GIGYF2: variants seen among roughly 807,000 people sequenced by gnomAD.
The protein encoded by GIGYF2 is GRB10-interacting GYF protein 2.
In GIGYF2, 25 loss-of-function variants were observed where a neutral mutation model predicts 208.1. That is an observed-to-expected ratio of 0.12 (90% CI 0.09 to 0.17). The LOEUF is 0.17. Among genes scored for constraint, GIGYF2 ranks in the 10% least tolerant of loss-of-function variants. The probability of loss-of-function intolerance (pLI) is 1.00; values close to 1 mark genes in which losing one functional copy is unlikely to be tolerated. For missense variants in GIGYF2, 1,302 were observed against 1,579.4 expected (o/e 0.82, Z 2.98); for synonymous variants, 534 against 543.8 (o/e 0.98, Z 0.25).
intron 14 of GIGYF2, among the ~76,000 whole-genome samples, chr2:232,804,398 T>C (rs1422917427): frequency 1.3e-5 from 2 of 150,956 alleles, no homozygotes; most frequent in Non-Finnish European, 1.5e-5. Context: ...TTTTTTTTTT[T>C]CAGTGATAGT....
intron 27 of GIGYF2, among the ~76,000 whole-genome samples, chr2:232,848,710 A>G (rs1392693412): frequency 6.6e-6 from 1 of 152,162 alleles, no homozygotes; most frequent in Non-Finnish European, 1.5e-5. Flanking sequence ...TAGACCACAA[A>G]AAGGGCACTT....
In GIGYF2 at chr2:232,765,966, C is replaced by T. The variant is rs77237820; in HGVS notation, c.532+4530C>T. The T allele has an allele frequency of 0.036, 16,745 of 466,168 alleles. 392 individuals are homozygous for T. Among genetic ancestry groups the T allele is most frequent in the Non-Finnish European group, 0.048 (10,921 of 225,206 alleles). The allele number at this position is 466,168 out of a possible 1,614,324, so 28.9% of individuals were successfully genotyped here. On this transcript the variant is annotated intron_variant, in intron 8 of 28. Coordinates refer to ENST00000373563, the MANE Select transcript of GIGYF2 (RefSeq NM_001103146.3). The stretch of plus-strand genomic sequence containing the variant: ...GTGTGCAAGACTTCATGACCAAGCT[C>T]CCAGATGATCCAGGTTAGTGAGCTG...
At position 232,796,326 on chromosome 2, in the gene GIGYF2, A is replaced by G. The variant is rs771936437; in HGVS notation, c.1639+105A>G. On this transcript the variant is annotated intron_variant, in intron 14 of 28. Transcript: ENST00000373563. ...TAAATTATAGTAGAAAAAGAAGTCAACAAGCACACACGCGCGCACACACGC... is the reference window on the plus strand; with the variant it reads ...TAAATTATAGTAGAAAAAGAAGTCAGCAAGCACACACGCGCGCACACACGC... The G allele has an allele frequency of 6.0e-4, 482 of 797,876 alleles. 2 individuals carry two copies. The highest frequency in any genetic ancestry group is 1.1e-3 in the Middle Eastern group (5 of 4,388). The allele number at this position is 797,876 out of a possible 1,614,324, so 49.4% of individuals were successfully genotyped here.
intron 7 of GIGYF2, among the ~76,000 whole-genome samples, chr2:232,760,852 C>T (rs1698719769): frequency 6.7e-6 from 1 of 150,368 alleles, no homozygotes; most frequent in South Asian, 2.1e-4. Flanking sequence ...ACCAAATTGT[C>T]ATGTTATTGT....
chr2:232,720,083 A>G (rs757406190), intron 2 of GIGYF2, among the ~76,000 whole-genome samples: 15 of 152,138 alleles, frequency 9.9e-5, no homozygotes, highest in Non-Finnish European at 1.6e-4. Context: ...TCCTAATGCT[A>G]TCCCTCCCCA....
intron 12 of GIGYF2, among the ~76,000 whole-genome samples, chr2:232,792,871 G>A (rs1015471459): frequency 3.5e-4 from 54 of 152,250 alleles, no homozygotes; most frequent in Middle Eastern, 3.4e-3. Context: ...ATTCTGAGAA[G>A]GCTTCATAGA....
At chr2:232,784,477 C>T (rs1699841277) in intron 8 of GIGYF2, among the ~76,000 whole-genome samples, 4 of 146,250 alleles carry the variant, frequency 2.7e-5, no homozygotes, top group Admixed American at 2.1e-4. Flanking sequence ...GCAAGCTCCA[C>T]CTCCCAGGTT....
At chr2:232,785,802 A>G (rs1052180135) in intron 8 of GIGYF2, among the ~76,000 whole-genome samples, 4 of 152,268 alleles carry the variant, frequency 2.6e-5, no homozygotes, top group Non-Finnish European at 5.9e-5. Flanking sequence ...AAGATGGAAT[A>G]TAACAGAATG....
intron 8 of GIGYF2, among the ~76,000 whole-genome samples, chr2:232,779,741 G>A (rs1383480479): frequency 6.6e-6 from 1 of 152,144 alleles, no homozygotes; most frequent in Non-Finnish European, 1.5e-5. Flanking sequence ...TCCAGTCTCT[G>A]CTGTTTTTTC....
chr2:232,730,027 G>T (rs1302312490), intron 2 of GIGYF2: 5 of 822,466 alleles, frequency 6.1e-6, no homozygotes, highest in African/African-American at 5.0e-5. Flanking sequence ...GACTTGATGT[G>T]ATTATACCAA....
In GIGYF2 at chr2:232,844,543, A is replaced by G. The variant is rs1259578389; in HGVS notation, c.3274A>G (p.Thr1092Ala). Residue 1092 changes from threonine (T) to alanine (A), a missense_variant, in exon 25 of 29, where the codon ACA becomes GCA. Thr to Ala is a moderately conservative substitution (Grantham distance 58). Around this residue, in one of 8 missense-constraint regions of GIGYF2, gnomAD observed 701 missense variants for 793.0 expected, o/e 0.88. Transcript: ENST00000373563. ...GAAAGAGGTGGGACCTAGGAATTCA[A>G]CAAATAAAAATAAAAACAACGCCAG... ...AVKEVGPRNS[T>A]NKNKNNASLS... 2 of 1,613,844 alleles carry G rather than the reference A, an allele frequency of 1.2e-6. No homozygotes were observed. The highest frequency in any genetic ancestry group is 2.7e-5 in the African/African-American group (2 of 75,040).
intron 8 of GIGYF2, chr2:232,766,060 CCTTTT>C (rs1434249166): frequency 2.1e-6 from 1 of 470,532 alleles, no homozygotes; most frequent in African/African-American, 2.0e-5. Context: ...ATTGTTACTT[CCTTTT>C]CCTCAGAGGA....
In GIGYF2 at chr2:232,761,442, G is replaced by A. The variant is rs751346927; in HGVS notation, c.532+6G>A. 10 of 1,543,262 alleles carry A rather than the reference G, an allele frequency of 6.5e-6. No individual in the cohort carries two copies. Among genetic ancestry groups the A allele is most frequent in the African/African-American group, 1.4e-5 (1 of 73,246 alleles). ...ACCAGGACGAAAAGATGTAGGTAAGGTTCTTACCTACACACATAAGGATAA... is the reference window on the plus strand; with the variant it reads ...ACCAGGACGAAAAGATGTAGGTAAGATTCTTACCTACACACATAAGGATAA... On this transcript the variant is annotated splice_donor_region_variant and intron_variant, in intron 8 of 28. Coordinates refer to ENST00000373563, the MANE Select transcript of GIGYF2 (RefSeq NM_001103146.3).
chr2:232,801,703 G>A (rs1397469042), intron 14 of GIGYF2, among the ~76,000 whole-genome samples: 1 of 152,140 alleles, frequency 6.6e-6, no homozygotes, highest in Non-Finnish European at 1.5e-5. Context: ...AGTCATTGTT[G>A]CATGATAGAT....
At chr2:232,843,133 C>CTGTGTGTGTGTGTGTG (rs201402877) in intron 23 of GIGYF2, 1 of 145,140 alleles carries the variant, frequency 6.9e-6, no homozygotes, top group East Asian at 2.0e-4. Context: ...TGTGTTTATG[C>CTGTGTGTGTGTGTGTG]TGTGTGTGTG....
At chr2:232,715,420 A>G (rs957467020) in intron 2 of GIGYF2, among the ~76,000 whole-genome samples, 1 of 152,218 alleles carries the variant, frequency 6.6e-6, no homozygotes, top group Non-Finnish European at 1.5e-5. Flanking sequence ...GAGAAAAGCC[A>G]GCAGTAATTG....
intron 12 of GIGYF2, among the ~76,000 whole-genome samples, chr2:232,793,753 C>A (rs1287003645): frequency 6.6e-6 from 1 of 151,850 alleles, no homozygotes; most frequent in African/African-American, 2.4e-5. Flanking sequence ...AGAAGAGGAA[C>A]CAGAGAAAAA....
intron 2 of GIGYF2, among the ~76,000 whole-genome samples, chr2:232,726,564 C>A (rs1037962567): frequency 6.6e-6 from 1 of 151,894 alleles, no homozygotes; most frequent in Non-Finnish European, 1.5e-5. Context: ...AACAGTGAGA[C>A]CCTGTCTCAA....
intron 21 of GIGYF2, among the ~76,000 whole-genome samples, chr2:232,825,085 C>T (rs549906544): frequency 6.6e-6 from 1 of 152,162 alleles, no homozygotes; most frequent in Non-Finnish European, 1.5e-5. Flanking sequence ...TGACAATGCC[C>T]CTAGTCATCC....
Sources: allele counts gnomAD v4.1 joint callset (sites outside exome capture counted in the v4.1 genomes callset), GRCh38; gene constraint gnomAD v4.1.1; regional missense constraint gnomAD v4.1.1; transcripts MANE v1.5; gene names NCBI Gene and HGNC (gene_info 2026-07-23, HGNC 2026-07-21).